TNNT1: variants seen among roughly 807,000 people sequenced by gnomAD.
The protein encoded by TNNT1 is troponin T, slow skeletal muscle.
Under a neutral mutation model 50.6 loss-of-function variants are expected in TNNT1, and 53 were observed. The observed-to-expected ratio is 1.05, with a 90% CI of 0.84 to 1.32. The LOEUF (loss-of-function observed/expected upper bound fraction) is 1.32. TNNT1 is among the 40% of genes most tolerant of loss of function. The pLI is 0.00. For synonymous variants in TNNT1, 142 were observed against 138.0 expected (o/e 1.03, Z -0.20); for missense variants, 348 against 381.7 (o/e 0.91, Z 0.74).
chr19:55,141,670 G>A (rs1459144104), intron 7 of TNNT1, among the ~76,000 whole-genome samples, 187 bp downstream of exon 7: 1 of 152,028 alleles, frequency 6.6e-6, no homozygotes, highest in African/African-American at 2.4e-5. Flanking sequence ...TTTTAGTAGA[G>A]ACGGGGTTTC....
chr19:55,137,018 T>C, intron 11 of TNNT1, 85 bp downstream of exon 11: 1 of 853,070 alleles, frequency 1.2e-6, no homozygotes, highest in Non-Finnish European at 1.9e-6. Flanking sequence ...CCGGAGTATC[T>C]GCCCACCCAG....
At chr19:55,146,843 C>T in intron 3 of TNNT1, 136 bp from the exon 4 acceptor site, 5 of 1,181,936 alleles carry the variant, frequency 4.2e-6, no homozygotes, top group Non-Finnish European at 5.9e-6. Context: ...TTCCCCCTGG[C>T]GGTGCAGGGA....
At chr19:55,137,028 G>C in intron 11 of TNNT1, 75 bp downstream of exon 11, 1 of 959,440 alleles carries the variant, frequency 1.0e-6, no homozygotes, top group Non-Finnish European at 1.6e-6. Flanking sequence ...TGCCCACCCA[G>C]ATCTGGGTGT....
intron 7 of TNNT1, among the ~76,000 whole-genome samples, chr19:55,141,578 G>A (rs2085456032): frequency 1.3e-5 from 2 of 151,290 alleles, no homozygotes; most frequent in South Asian, 4.2e-4. Flanking sequence ...CCGCCTCCCA[G>A]GTTCAAGCGA....
chr19:55,136,990 T>G (rs1442252660), intron 11 of TNNT1, 113 bp downstream of exon 11: 2 of 686,180 alleles, frequency 2.9e-6, no homozygotes. Flanking sequence ...CAAAGTCACA[T>G]AGCACTGGAG....
intron 6 of TNNT1, 95 bp from the exon 7 acceptor site, chr19:55,142,015 C>T (rs757810915): frequency 4.0e-6 from 5 of 1,263,800 alleles, no homozygotes; most frequent in Non-Finnish European, 4.6e-6. Flanking sequence ...TAGCCGCCAG[C>T]CCCGGGAGGC....
In TNNT1 at chr19:55,145,412, G is replaced by C. The variant is rs551811470; in HGVS notation, c.128+132C>G. 19 of 775,668 alleles carry C rather than the reference G, an allele frequency of 2.4e-5. No homozygotes were observed. In the Admixed American group the frequency reaches 2.9e-4, roughly 12 times the overall value. The allele number at this position is 775,668 out of a possible 1,614,324, so 48.0% of individuals were successfully genotyped here. On this transcript the variant is annotated intron_variant, in intron 6 of 13. Transcript: ENST00000588981. ...GAGGGAAAGGGGGAGGGAGGAGGAGGAGGAGGAGAAATGTCGACTGCTGTT... is the reference window on the plus strand; with the variant it reads ...GAGGGAAAGGGGGAGGGAGGAGGAGCAGGAGGAGAAATGTCGACTGCTGTT...
intron 9 of TNNT1, among the ~76,000 whole-genome samples, chr19:55,140,296 C>CA (rs527486263): frequency 1.0e-3 from 153 of 151,272 alleles, no homozygotes; most frequent in African/African-American, 2.8e-3. Flanking sequence ...GCTGTCTCTA[C>CA]AAAAAATAAA....
At chr19:55,147,675 G>T (rs2085598565) in intron 1 of TNNT1, among the ~76,000 whole-genome samples, 1 of 95,638 alleles carries the variant, frequency 1.0e-5, no homozygotes, top group Non-Finnish European at 1.9e-5. Context: ...GGGAGGAGGG[G>T]CTGGGGTCTG....
At chr19:55,141,639 A>G (rs2085457372) in intron 7 of TNNT1, among the ~76,000 whole-genome samples, 1 of 151,172 alleles carries the variant, frequency 6.6e-6, no homozygotes, top group South Asian at 2.1e-4. Context: ...ACCTGCCACC[A>G]CGCCCGGCTA....
chr19:55,145,404 A>G (rs1472523350), intron 6 of TNNT1, 140 bp downstream of exon 6: 2 of 623,132 alleles, frequency 3.2e-6, no homozygotes, highest in Non-Finnish European at 5.8e-6. Context: ...AGGGGGAGGG[A>G]GGAGGAGGAG....
At chr19:55,145,607 TTAGAG>T in intron 5 of TNNT1, 42 bp from the exon 6 acceptor site, 1 of 1,611,862 alleles carries the variant, frequency 6.2e-7, no homozygotes, top group Non-Finnish European at 8.5e-7. Context: ...TAGCAAGAGT[TTAGAG>T]GAGAGGGGCT....
At position 55,144,151 on chromosome 19, in the gene TNNT1, C is replaced by T. The variant is rs112744043; in HGVS notation, c.128+1393G>A. 5.3e-4 allele frequency among the ~76,000 whole-genome samples: 80 copies of T among 150,598 alleles called. 1 individual carries two copies. The highest frequency in any genetic ancestry group is 1.8e-3 in the African/African-American group (74 of 41,020). ...TGACACGATCTTGACTCACTGCAACCTCTGCCTCCCGGTTCAAGCGATTCT... is the reference window on the plus strand; with the variant it reads ...TGACACGATCTTGACTCACTGCAACTTCTGCCTCCCGGTTCAAGCGATTCT... On this transcript the variant is annotated intron_variant, in intron 6 of 13. Coordinates refer to ENST00000588981, the MANE Select transcript of TNNT1 (RefSeq NM_003283.6).
chr19:55,133,980 GCCACCCACC>G (rs2085296600), intron 12 of TNNT1, 53 bp from the exon 13 acceptor site: 1 of 1,612,666 alleles, frequency 6.2e-7, no homozygotes, highest in South Asian at 1.1e-5. Context: ...GTGGGGACGG[GCCACCCACC>G]CCTGCCTGGA....
chr19:55,143,734 C>G lies in TNNT1; in HGVS notation c.128+1810G>C, dbSNP rs188818833. Among the ~76,000 whole-genome samples, 578 of 152,234 alleles carry G rather than the reference C, an allele frequency of 3.8e-3. 5 individuals carry two copies. Among genetic ancestry groups the G allele is most frequent in the African/African-American group, 0.013 (547 of 41,544 alleles). On this transcript the variant is annotated intron_variant, in intron 6 of 13. Coordinates refer to ENST00000588981, the MANE Select transcript of TNNT1 (RefSeq NM_003283.6). ...AGCTGCCAGTGAGCTTTCCTTTTCC[C>G]TTTTCTCATCATCAATGCCATTCAC...
rs531861815 is a variant in TNNT1 at position 55,132,774 on chromosome 19, T to C, written c.*141A>G. On this transcript the variant is annotated 3_prime_UTR_variant, in exon 14 of 14. Transcript: ENST00000588981. ...TAACTTGTTGGTAATAAGAAGTCAATTAACCAGGAGAGACCAGCTGCATCT... is the reference window on the plus strand; with the variant it reads ...TAACTTGTTGGTAATAAGAAGTCAACTAACCAGGAGAGACCAGCTGCATCT... 5.2e-5 allele frequency: 41 copies of C among 782,678 alleles called. No homozygotes were observed. Among genetic ancestry groups the C allele is most frequent in the African/African-American group, 3.5e-4 (20 of 57,634 alleles). The allele number at this position is 782,678 out of a possible 1,614,324, so 48.5% of individuals were successfully genotyped here.
chr19:55,140,844 A>T, intron 9 of TNNT1, 39 bp downstream of exon 9: 1 of 1,541,638 alleles, frequency 6.5e-7, no homozygotes, highest in East Asian at 2.3e-5. Flanking sequence ...CCGGCTGAAG[A>T]AGTAACATTT....
chr19:55,146,453 C>T lies in TNNT1; in HGVS notation c.87G>A (p.Pro29=), dbSNP rs930840597. The change falls in exon 5 of 14, where the codon CCG becomes CCA. Residue 29 remains proline, a synonymous_variant. Transcript: ENST00000588981. The part of the protein sequence containing the change: ...AEEEEEAPEE[P]EPVAEPEEER... ...GGTTACCTGGCTCTGCCACCGGCTC[C>T]GGCTCTTCGGGGGCTGGGGAGGGGA... The T allele has an allele frequency of 1.0e-4, 117 of 1,119,612 alleles. No homozygotes were observed. The highest frequency in any genetic ancestry group is 9.8e-5 in the Non-Finnish European group (88 of 901,058). 69.4% of individuals were successfully genotyped at this position (1,119,612 alleles called of 1,614,324 possible). A position where few individuals can be genotyped will look rare whatever the true frequency, so the allele number is the denominator to read the frequency against.
At chr19:55,144,553 A>T (rs137903677) in intron 6 of TNNT1, among the ~76,000 whole-genome samples, 2,508 of 152,136 alleles carry the variant, frequency 0.016, 93 homozygotes, top group African/African-American at 0.057. Flanking sequence ...CTAATTTTTT[A>T]AAATTTTTTG....
Sources: allele counts gnomAD v4.1 joint callset (sites outside exome capture counted in the v4.1 genomes callset), GRCh38; gene constraint gnomAD v4.1.1; transcripts MANE v1.5; gene names NCBI Gene and HGNC (gene_info 2026-07-23, HGNC 2026-07-21).